DNAL1: variants seen among roughly 807,000 people sequenced by gnomAD.
DNAL1 encodes chromosome 14 open reading frame 168.
Under a neutral mutation model 29.4 loss-of-function variants are expected in DNAL1, and 17 were observed. The observed-to-expected ratio is 0.58, with a 90% CI of 0.40 to 0.87. The LOEUF is 0.87. Among genes scored for constraint, DNAL1 ranks in the 40% least tolerant of loss-of-function variants. The pLI, the probability that DNAL1 is intolerant of heterozygous loss-of-function variation, is 0.00. For synonymous variants in DNAL1, 78 were observed against 76.3 expected, an observed-to-expected ratio of 1.02 and a Z score of -0.12; for missense variants, 188 against 214.1, an observed-to-expected ratio of 0.88 and a Z score of 0.76.
intron 5 of DNAL1, among the ~76,000 whole-genome samples, chr14:73,679,479 T>C (rs1468322395): frequency 6.6e-6 from 1 of 152,010 alleles, no homozygotes; most frequent in Non-Finnish European, 1.5e-5. Context: ...TGAGAGATAA[T>C]TGGATAAACA....
intron 4 of DNAL1, among the ~76,000 whole-genome samples, chr14:73,668,267 T>G (rs1161253964): frequency 6.6e-6 from 1 of 152,254 alleles, no homozygotes; most frequent in Non-Finnish European, 1.5e-5. Context: ...AGCTCCTTGA[T>G]AGCAGGAATT....
intron 5 of DNAL1, among the ~76,000 whole-genome samples, chr14:73,678,511 C>CTTTTTTTTTT (rs11379191): frequency 8.5e-6 from 1 of 118,192 alleles, no homozygotes; most frequent in African/African-American, 3.2e-5. Flanking sequence ...AGCAGGTATT[C>CTTTTTTTTTT]TTTTTTTTTT....
chr14:73,648,868 A>C (rs1371755483), intron 1 of DNAL1, among the ~76,000 whole-genome samples: 1 of 151,038 alleles, frequency 6.6e-6, no homozygotes, highest in Admixed American at 6.6e-5. Flanking sequence ...TGTTGAAAAT[A>C]TCTTCTCTCG....
chr14:73,683,980 T>C (rs1891954493), intron 5 of DNAL1, among the ~76,000 whole-genome samples: 1 of 152,156 alleles, frequency 6.6e-6, no homozygotes, highest in South Asian at 2.1e-4. Flanking sequence ...GTGCTGGGAT[T>C]ACAGGCGTGA....
chr14:73,659,966 A>G (rs537865352), intron 3 of DNAL1, among the ~76,000 whole-genome samples: 1 of 152,232 alleles, frequency 6.6e-6, no homozygotes, highest in East Asian at 1.9e-4. Flanking sequence ...ACTCTTTGTC[A>G]CCCAGGCTGC....
intron 1 of DNAL1, among the ~76,000 whole-genome samples, chr14:73,654,049 T>A (rs1377142643): frequency 6.6e-6 from 1 of 152,200 alleles, no homozygotes; most frequent in East Asian, 1.9e-4. Flanking sequence ...ATCCTCATCC[T>A]TTGCAAACAT....
intron 4 of DNAL1, among the ~76,000 whole-genome samples, chr14:73,663,519 A>G (rs540911737): frequency 1.3e-5 from 2 of 151,918 alleles, no homozygotes; most frequent in Non-Finnish European, 2.9e-5. Context: ...TCCAGTATGT[A>G]TTTTTAAATT....
chr14:73,655,332 T>A (rs527509324), intron 2 of DNAL1, among the ~76,000 whole-genome samples: 32 of 151,932 alleles, frequency 2.1e-4, no homozygotes, highest in African/African-American at 7.7e-4. Flanking sequence ...ACATTTTCTT[T>A]TTCTTTTTCT....
chr14:73,671,529 C>A lies in DNAL1; in HGVS notation c.209-13C>A. ...ATTCTAGTAAACAAAAAAATGTTTT[C>A]TTTTCACTACAGAAAACTTGAGGAT... is the stretch of plus-strand genomic sequence containing the variant. On this transcript the variant is annotated splice_polypyrimidine_tract_variant and intron_variant, in intron 4 of 7. Transcript: ENST00000553645. 1 of 1,451,784 alleles carries A rather than the reference C, an allele frequency of 6.9e-7. No homozygotes were observed. Among genetic ancestry groups the A allele is most frequent in the Non-Finnish European group, 9.1e-7 (1 of 1,095,868 alleles). 89.9% of individuals were successfully genotyped at this position (1,451,784 alleles called of 1,614,324 possible).
chr14:73,674,524 C>T (rs1293244061), intron 5 of DNAL1, among the ~76,000 whole-genome samples: 2 of 152,088 alleles, frequency 1.3e-5, no homozygotes, highest in Non-Finnish European at 2.9e-5. Context: ...CACCGTATAT[C>T]TAAAGCAGCT....
At chr14:73,681,723 A>C (rs2140053081) in intron 5 of DNAL1, among the ~76,000 whole-genome samples, 1 of 147,222 alleles carries the variant, frequency 6.8e-6, no homozygotes, top group East Asian at 2.0e-4. Flanking sequence ...TGAGCCCAGG[A>C]GTTAGAGTTT....
chr14:73,698,838 G>C lies in DNAL1; in HGVS notation c.*2896G>C, dbSNP rs1199597917. The C allele has an allele frequency of 6.6e-6, 1 of 152,160 alleles. No homozygotes were observed. Among genetic ancestry groups the C allele is most frequent in the Non-Finnish European group, 1.5e-5 (1 of 68,026 alleles). The allele number at this position is 152,160 out of a possible 1,614,324, so 9.4% of individuals were successfully genotyped here. The stretch of plus-strand genomic sequence containing the variant: ...AAATTTGATTTTAGTCTACCAAGGA[G>C]TTTAACTTTTCTATGTTCCCTAACT... On this transcript the variant is annotated 3_prime_UTR_variant, in exon 8 of 8. Coordinates refer to ENST00000553645, the MANE Select transcript of DNAL1 (RefSeq NM_031427.4).
chr14:73,681,792 C>G (rs1341535016), intron 5 of DNAL1, among the ~76,000 whole-genome samples: 1 of 150,054 alleles, frequency 6.7e-6, no homozygotes, highest in Non-Finnish European at 1.5e-5. Context: ...AAGACGCTGC[C>G]TCTAAATAAA....
intron 1 of DNAL1, among the ~76,000 whole-genome samples, chr14:73,647,950 C>T (rs533177089): frequency 1.4e-4 from 22 of 152,086 alleles, no homozygotes; most frequent in Non-Finnish European, 2.9e-4. Context: ...TGTTTACTTC[C>T]TCCGGCAGTG....
At chr14:73,687,010 A>ATTTT (rs372358652) in intron 5 of DNAL1, among the ~76,000 whole-genome samples, 1 of 141,452 alleles carries the variant, frequency 7.1e-6, no homozygotes. Context: ...ATGTTTTGTG[A>ATTTT]TTTTTTTTTT....
chr14:73,680,272 G>C (rs552928646), intron 5 of DNAL1, among the ~76,000 whole-genome samples: 1 of 152,052 alleles, frequency 6.6e-6, no homozygotes, highest in African/African-American at 2.4e-5. Flanking sequence ...CACGGCTGAC[G>C]GACACTTAGG....
chr14:73,663,498 G>A (rs1298460449), intron 4 of DNAL1, among the ~76,000 whole-genome samples: 2 of 152,048 alleles, frequency 1.3e-5, no homozygotes, highest in East Asian at 1.9e-4. Flanking sequence ...GAGCCACCAC[G>A]CCTGGCCAGT....
At chr14:73,652,677 G>A (rs535851659) in intron 1 of DNAL1, among the ~76,000 whole-genome samples, 5 of 152,122 alleles carry the variant, frequency 3.3e-5, no homozygotes, top group Admixed American at 2.0e-4. Flanking sequence ...TTATCCCCTC[G>A]TTCTGTTTTT....
intron 5 of DNAL1, among the ~76,000 whole-genome samples, chr14:73,676,448 ATGTG>A (rs55813332): frequency 0.016 from 2,477 of 151,728 alleles, 54 homozygotes; most frequent in African/African-American, 0.054. Flanking sequence ...CTCTGTGTAT[ATGTG>A]TGTGTGTGTC....
Sources: allele counts gnomAD v4.1 joint callset (sites outside exome capture counted in the v4.1 genomes callset), GRCh38; gene constraint gnomAD v4.1.1; transcripts MANE v1.5; gene names NCBI Gene and HGNC (gene_info 2026-07-23, HGNC 2026-07-21).